Variants in DLGAP4 observed in about 807,000 individuals in gnomAD.
The protein encoded by DLGAP4 is DLG associated protein 4, also known as disks large-associated protein 4.
In DLGAP4, 18 loss-of-function variants were observed where a neutral mutation model predicts 86.9. The ratio of observed to expected loss-of-function variants is 0.21; its 90% CI spans 0.14 to 0.31. The LOEUF (loss-of-function observed/expected upper bound fraction) is 0.31. Among genes scored for constraint, DLGAP4 ranks in the 10% least tolerant of loss-of-function variants. The pLI is 1.00. For missense variants in DLGAP4, 1,085 were observed against 1,362.6 expected (o/e 0.80, Z 3.21); for synonymous variants, 548 against 574.3 (o/e 0.95, Z 0.65).
intron 1 of DLGAP4, among the ~76,000 whole-genome samples, chr20:36,319,578 A>G (rs1332798018): frequency 2.0e-5 from 3 of 152,230 alleles, no homozygotes; most frequent in Non-Finnish European, 4.4e-5. Flanking sequence ...CACTATGGGC[A>G]GAGCCCTGCA....
chr20:36,404,498 C>A (rs2032255000), intron 2 of DLGAP4, among the ~76,000 whole-genome samples: 1 of 152,212 alleles, frequency 6.6e-6, no homozygotes, highest in South Asian at 2.1e-4. Context: ...GTGACTGGCA[C>A]ATCCCTCCAC....
chr20:36,452,097 A>AG (rs367741162), intron 7 of DLGAP4, among the ~76,000 whole-genome samples: 1 of 152,096 alleles, frequency 6.6e-6, no homozygotes, highest in Non-Finnish European at 1.5e-5. Context: ...TACTCTCTGG[A>AG]GGGGCTGGAG....
chr20:36,406,439 G>T (rs189837890), intron 2 of DLGAP4, among the ~76,000 whole-genome samples: 98 of 151,436 alleles, frequency 6.5e-4, no homozygotes, highest in African/African-American at 2.4e-3. Context: ...AGTCATGCTG[G>T]CTGAGTCACC....
Position 36,500,391 on chromosome 20 carries a change from T to C in DLGAP4, c.2292T>C (p.Tyr764=). 1.9e-6 allele frequency: 3 copies of C among 1,601,998 alleles called. No homozygotes were observed. The highest frequency in any genetic ancestry group is 2.6e-6 in the Non-Finnish European group (3 of 1,174,010). The change falls in exon 10 of 13, where the codon TAT becomes TAC. Residue 764 remains tyrosine, a synonymous_variant. Transcript: ENST00000339266. This position sits in a 1 kb window ranked among gnomAD's most constrained non-coding sequence, Gnocchi z 4.6. Reference sequence around the variant, plus strand: ...CCCAGATCAAGCGCAACCTCTCCTATGGAGACAACAGCGACCCTGCCCTAG... The same window carrying C: ...CCCAGATCAAGCGCAACCTCTCCTACGGAGACAACAGCGACCCTGCCCTAG... ...KIAQIKRNLS[Y]GDNSDPALEA... is the part of the protein sequence containing the mutation.
At chr20:36,436,073 G>C (rs2033266263) in intron 3 of DLGAP4, 36 bp from the exon 4 acceptor site, 2 of 1,515,450 alleles carry the variant, frequency 1.3e-6, no homozygotes, top group Admixed American at 2.1e-5. Flanking sequence ...CTCATTTTCT[G>C]CGGTGGCCCC....
At chr20:36,323,175 C>CAAAAAAAA (rs1164348704) in intron 1 of DLGAP4, among the ~76,000 whole-genome samples, 2 of 35,398 alleles carry the variant, frequency 5.7e-5, no homozygotes, top group African/African-American at 1.3e-4. Flanking sequence ...GACCCTATCT[C>CAAAAAAAA]AAAAAAAAAA....
intron 1 of DLGAP4, among the ~76,000 whole-genome samples, chr20:36,339,965 G>A (rs2065361162): frequency 6.6e-6 from 1 of 152,188 alleles, no homozygotes; most frequent in African/African-American, 2.4e-5. Context: ...GGCTGGGTTG[G>A]GGGAGTGAGG....
At chr20:36,380,757 T>A (rs929913827) in intron 2 of DLGAP4, among the ~76,000 whole-genome samples, 2 of 152,236 alleles carry the variant, frequency 1.3e-5, no homozygotes, top group Admixed American at 6.5e-5. Context: ...CATGCATCTT[T>A]CATTCTCATG....
chr20:36,374,712 T>A (rs1457518429), intron 2 of DLGAP4, among the ~76,000 whole-genome samples: 1 of 152,230 alleles, frequency 6.6e-6, no homozygotes, highest in African/African-American at 2.4e-5. Context: ...CTTCCCACCC[T>A]GAGTCAGAAT....
At chr20:36,362,488 G>A (rs1011967987) in intron 1 of DLGAP4, among the ~76,000 whole-genome samples, 1 of 152,198 alleles carries the variant, frequency 6.6e-6, no homozygotes, top group Non-Finnish European at 1.5e-5. Flanking sequence ...CAGAGCTGCT[G>A]TAGGAATTTG....
At chr20:36,506,481 C>G (rs2036378964) in intron 10 of DLGAP4, among the ~76,000 whole-genome samples, 1 of 152,148 alleles carries the variant, frequency 6.6e-6, no homozygotes, top group Admixed American at 6.5e-5. Flanking sequence ...CTGTAACTTA[C>G]AGACAGATGG....
intron 2 of DLGAP4, among the ~76,000 whole-genome samples, chr20:36,425,862 A>G (rs1020183798): frequency 2.6e-5 from 4 of 152,236 alleles, no homozygotes; most frequent in Admixed American, 2.6e-4. Flanking sequence ...GAATTACTGT[A>G]TGATCCAGCA....
At chr20:36,379,624 G>A (rs946179989) in intron 2 of DLGAP4, among the ~76,000 whole-genome samples, 4 of 152,176 alleles carry the variant, frequency 2.6e-5, no homozygotes, top group Admixed American at 6.5e-5. Context: ...AGAGCCTGGT[G>A]CTGGTTGTGG....
intron 2 of DLGAP4, among the ~76,000 whole-genome samples, chr20:36,411,016 A>T (rs148520027): frequency 6.6e-6 from 1 of 151,926 alleles, no homozygotes; most frequent in Admixed American, 6.6e-5. Context: ...TTTGAGACAG[A>T]GTCTTGTTCT....
At chr20:36,433,035 G>A (rs571397634) in intron 3 of DLGAP4, among the ~76,000 whole-genome samples, 4 of 152,214 alleles carry the variant, frequency 2.6e-5, no homozygotes, top group South Asian at 2.1e-4. Flanking sequence ...CATTCTAATT[G>A]CCAGCCTCTC....
chr20:36,489,929 G>A (rs1169969783), intron 7 of DLGAP4, among the ~76,000 whole-genome samples: 1 of 149,074 alleles, frequency 6.7e-6, no homozygotes, highest in African/African-American at 2.5e-5. Context: ...CGCAATCCTG[G>A]CTCACTGCAA....
Position 36,431,631 on chromosome 20 carries a change from G to T in DLGAP4, c.-72-15G>T. Reference sequence around the variant, plus strand: ...CCAGCTGACCAGCTGACCGCTTTCTGTCTTCTCTCCCTAGGATAGCTGCCG... The same window carrying T: ...CCAGCTGACCAGCTGACCGCTTTCTTTCTTCTCTCCCTAGGATAGCTGCCG... On this transcript the variant is annotated splice_polypyrimidine_tract_variant and intron_variant, in intron 2 of 12. Coordinates refer to ENST00000339266, the MANE Select transcript of DLGAP4 (RefSeq NM_001365621.2). This position sits in a 1 kb window ranked among gnomAD's most constrained non-coding sequence, Gnocchi z 5.1. 1 of 1,451,548 alleles carries T rather than the reference G, an allele frequency of 6.9e-7. No homozygotes were observed. Among genetic ancestry groups the T allele is most frequent in the Non-Finnish European group, 9.2e-7 (1 of 1,086,790 alleles). The allele number at this position is 1,451,548 out of a possible 1,614,324, so 89.9% of individuals were successfully genotyped here.
intron 6 of DLGAP4, 53 bp from the exon 7 acceptor site, chr20:36,446,644 C>A: frequency 6.5e-7 from 1 of 1,544,706 alleles, no homozygotes; most frequent in South Asian, 1.2e-5. Flanking sequence ...GAACCGCTCC[C>A]CCCAGGATGG....
At chr20:36,427,486 A>G (rs1350854001) in intron 2 of DLGAP4, among the ~76,000 whole-genome samples, 1 of 139,056 alleles carries the variant, frequency 7.2e-6, no homozygotes, top group Non-Finnish European at 1.6e-5. Context: ...AAAAGAAAGA[A>G]GTGGGAGGGA....
Sources: allele counts gnomAD v4.1 joint callset (sites outside exome capture counted in the v4.1 genomes callset), GRCh38; gene constraint gnomAD v4.1.1; non-coding constraint Gnocchi (gnomAD v3.1); transcripts MANE v1.5; gene names NCBI Gene and HGNC (gene_info 2026-07-23, HGNC 2026-07-21).